BNIPL: variants seen among roughly 807,000 people sequenced by gnomAD.
BNIPL encodes the protein bcl-2/adenovirus E1B 19 kDa-interacting protein 2-like protein.
A neutral mutation model predicts 47.0 loss-of-function variants in BNIPL; 33 were observed. That is an observed-to-expected ratio of 0.70 (90% CI 0.53 to 0.94). The LOEUF (loss-of-function observed/expected upper bound fraction) is 0.94, where lower values mean the gene tolerates loss of function less well. Among genes scored for constraint, BNIPL ranks in the 40% least tolerant of loss-of-function variants. The pLI is 0.00. For missense variants in BNIPL, 404 were observed against 445.2 expected, an observed-to-expected ratio of 0.91 and a Z score of 0.83; for synonymous variants, 145 against 162.7, an observed-to-expected ratio of 0.89 and a Z score of 0.83.
At chr1:151,037,329 A>C in intron 1 of BNIPL, 1 of 1,210,144 alleles carries the variant, frequency 8.3e-7, no homozygotes, top group South Asian at 2.0e-5. Context: ...AGCAACTGCT[A>C]CAGAGGTAAA....
chr1:151,037,293 A>G (rs1215299222), intron 1 of BNIPL: 2 of 1,102,600 alleles, frequency 1.8e-6, no homozygotes, highest in African/African-American at 3.3e-5. Flanking sequence ...AATGTGGGAC[A>G]TCTCTCACCC....
At chr1:151,038,467 GTA>G in intron 2 of BNIPL, 35 bp from the exon 3 acceptor site, 1 of 1,510,970 alleles carries the variant, frequency 6.6e-7, no homozygotes, top group Non-Finnish European at 9.2e-7. Context: ...TGCCTTTGGT[GTA>G]TATGTCTGCC....
intron 7 of BNIPL, among the ~76,000 whole-genome samples, 194 bp downstream of exon 7, chr1:151,043,921 G>C (rs919960723): frequency 1.3e-5 from 2 of 152,058 alleles, no homozygotes; most frequent in Non-Finnish European, 2.9e-5. Flanking sequence ...CCACATTACT[G>C]TTTACTAGCT....
In BNIPL at chr1:151,046,816, T is replaced by C; in HGVS notation, c.*129T>C. The C allele has an allele frequency of 1.3e-6, 1 of 756,918 alleles. No homozygotes were observed. Among genetic ancestry groups the C allele is most frequent in the South Asian group, 2.0e-5 (1 of 49,830 alleles). The allele number at this position is 756,918 out of a possible 1,614,324, so 46.9% of individuals were successfully genotyped here. On this transcript the variant is annotated 3_prime_UTR_variant, in exon 10 of 10. Coordinates refer to ENST00000368931, the MANE Select transcript of BNIPL (RefSeq NM_138278.4). Reference sequence around the variant, plus strand: ...GTACCACCGGATCTTCACTTCTCAGTGGGATTTTGTCCTTTGCATGACCCT... The same window carrying C: ...GTACCACCGGATCTTCACTTCTCAGCGGGATTTTGTCCTTTGCATGACCCT...
rs1675603284 is a variant in BNIPL at position 151,036,596 on chromosome 1, C to A, written c.-130C>A. On this transcript the variant is annotated 5_prime_UTR_variant, in exon 1 of 10. Coordinates refer to ENST00000368931, the MANE Select transcript of BNIPL (RefSeq NM_138278.4). ...AAGATGAGGTTACCTCCCTTCCACA[C>A]CTCCCTCCTTGGAGGCAAGAGCTAC... 2.4e-6 allele frequency: 2 copies of A among 841,920 alleles called. No individual in the cohort carries two copies. The highest frequency in any genetic ancestry group is 2.0e-5 in the Admixed American group (1 of 50,564). The allele number at this position is 841,920 out of a possible 1,614,324, so 52.2% of individuals were successfully genotyped here.
In BNIPL at chr1:151,042,995, C is replaced by G. The variant is rs1469761330; in HGVS notation, c.473C>G (p.Thr158Arg). ...PRAEGLGTSE[T>R]AERLGRGCMW... The stretch of plus-strand genomic sequence containing the variant: ...GCAGAGGGTCTGGGCACCAGTGAGA[C>G]AGCTGAAAGGCTGGGCCGAGGTTGT... The change falls in exon 5 of 10, where the codon ACA becomes AGA. Residue 158 changes from threonine to arginine, a missense_variant. Coordinates refer to ENST00000368931, the MANE Select transcript of BNIPL (RefSeq NM_138278.4). The G allele has an allele frequency of 3.1e-6, 5 of 1,606,486 alleles. No individual in the cohort carries two copies. In the South Asian group the frequency reaches 5.6e-5, roughly 18 times the overall value.
intron 6 of BNIPL, 62 bp downstream of exon 6, chr1:151,043,496 T>G: frequency 6.4e-7 from 1 of 1,554,672 alleles, no homozygotes; most frequent in Non-Finnish European, 8.9e-7. Flanking sequence ...AAAAAAGAAC[T>G]CCTTCAAAGA....
chr1:151,038,000 C>CAAAAAAAAAAAAAAAAAAAAAA (rs58423611), intron 2 of BNIPL, among the ~76,000 whole-genome samples: 2 of 63,970 alleles, frequency 3.1e-5, no homozygotes, highest in Admixed American at 2.0e-4. Context: ...AACTCTGTCT[C>CAAAAAAAAAAAAAAAAAAAAAA]AAAAAAAAAA....
chr1:151,045,492 G>T, intron 7 of BNIPL: 1 of 250,864 alleles, frequency 4.0e-6, no homozygotes, highest in South Asian at 5.3e-5. Context: ...CCGGGAAGCA[G>T]AGCTTACAGG....
Position 151,047,677 on chromosome 1 carries a change from A to C in BNIPL, c.*990A>C. ...AGAGTTCTTGCCGCAGAGGTTCCTT[A>C]GGAGCACCCCGCGCGGCCCGCGCGA... On this transcript the variant is annotated 3_prime_UTR_variant, in exon 10 of 10. Transcript: ENST00000368931. 1 of 1,129,258 alleles carries C rather than the reference A, an allele frequency of 8.9e-7. No homozygotes were observed. The highest frequency in any genetic ancestry group is 2.8e-5 in the East Asian group (1 of 36,176). The allele number at this position is 1,129,258 out of a possible 1,614,324, so 70.0% of individuals were successfully genotyped here.
In BNIPL at chr1:151,047,578, G is replaced by C; in HGVS notation, c.*891G>C. 2.0e-6 allele frequency: 1 copy of C among 494,390 alleles called. No homozygotes were observed. Among genetic ancestry groups the C allele is most frequent in the South Asian group, 3.7e-5 (1 of 27,148 alleles). The allele number at this position is 494,390 out of a possible 1,614,324, so 30.6% of individuals were successfully genotyped here. A position where few individuals can be genotyped will look rare whatever the true frequency, so the allele number is the denominator to read the frequency against. On this transcript the variant is annotated 3_prime_UTR_variant, in exon 10 of 10. Coordinates refer to ENST00000368931, the MANE Select transcript of BNIPL (RefSeq NM_138278.4). The stretch of plus-strand genomic sequence containing the variant: ...TGTAGAGGCTAATAAACTGCGATGA[G>C]ACATTTAAGCTCTGCTCCAAAGAAG...
chr1:151,038,802 G>C lies in BNIPL; in HGVS notation c.209G>C (p.Gly70Ala), dbSNP rs1675717770. ...DPKGDSQAAA[G>A]TPSTLALCGQ... ...TTTTTCCCCCTTTCTCCAGCTGCAG[G>C]TACCCCCAGCACTTTAGCCCTGTGT... Residue 70 changes from glycine to alanine, a missense_variant, in exon 4 of 10, where the codon GGT (glycine) becomes GCT (alanine). Physicochemically the swap from Gly to Ala is moderately conservative, Grantham distance 60. Coordinates refer to ENST00000368931, the MANE Select transcript of BNIPL (RefSeq NM_138278.4). 1 of 1,576,532 alleles carries C rather than the reference G, an allele frequency of 6.3e-7. No homozygotes were observed. Among genetic ancestry groups the C allele is most frequent in the Admixed American group, 1.9e-5 (1 of 53,892 alleles).
chr1:151,037,794 A>G, intron 2 of BNIPL, 132 bp downstream of exon 2: 1 of 655,572 alleles, frequency 1.5e-6, no homozygotes, highest in Non-Finnish European at 2.6e-6. Flanking sequence ...TGAGGTCAGG[A>G]GTTTGAGACC....
At chr1:151,037,374 C>T in intron 1 of BNIPL, 193 bp from the exon 2 acceptor site, 1 of 1,325,586 alleles carries the variant, frequency 7.5e-7, no homozygotes, top group African/African-American at 1.5e-5. Flanking sequence ...TTCGTCTGCT[C>T]CCAAACTTAA....
chr1:151,038,421 G>A (rs1675703990), intron 2 of BNIPL, 83 bp from the exon 3 acceptor site: 2 of 992,104 alleles, frequency 2.0e-6, no homozygotes, highest in Admixed American at 4.0e-5. Flanking sequence ...AAATCATGGT[G>A]GGGAGAGAGA....
In BNIPL at chr1:151,046,049, TTTA is replaced by T. The variant is rs1223871145; in HGVS notation, c.939-15_939-13del. 21 of 1,614,048 alleles carry T rather than the reference TTTA, an allele frequency of 1.3e-5. No homozygotes were observed. The highest frequency in any genetic ancestry group is 1.8e-5 in the Non-Finnish European group (21 of 1,180,038). On this transcript the variant is annotated splice_polypyrimidine_tract_variant and intron_variant, in intron 8 of 9. Coordinates refer to ENST00000368931, the MANE Select transcript of BNIPL (RefSeq NM_138278.4). ...TTCTCCCAATACAAAACACAGTTGA[TTTA>T]TTCTCTCTTTTCAGTTCCAAATTCA...
At chr1:151,038,000 C>CAAAAA (rs58423611) in intron 2 of BNIPL, among the ~76,000 whole-genome samples, 4 of 63,970 alleles carry the variant, frequency 6.3e-5, no homozygotes, top group Admixed American at 2.0e-4. Flanking sequence ...AACTCTGTCT[C>CAAAAA]AAAAAAAAAA....
At chr1:151,037,252 G>A (rs746502115) in intron 1 of BNIPL, 32 of 874,572 alleles carry the variant, frequency 3.7e-5, no homozygotes, top group Non-Finnish European at 4.5e-5. Flanking sequence ...AATGATAGCT[G>A]GGTGGGTCTA....
chr1:151,045,969 C>G (rs1203378940), intron 8 of BNIPL, 86 bp downstream of exon 8: 2 of 1,612,866 alleles, frequency 1.2e-6, no homozygotes, highest in African/African-American at 2.7e-5. Context: ...TTGATTCTTT[C>G]TAGCCTTAAC....
Sources: gnomAD v4.1 joint callset for allele counts (sites outside exome capture counted in the v4.1 genomes callset) on GRCh38, gnomAD v4.1.1 for gene constraint, MANE v1.5 for transcripts, NCBI Gene and HGNC (gene_info 2026-07-23, HGNC 2026-07-21) for gene names.